The following SGK3 variants were observed in gnomAD, a reference collection of about 807,000 sequenced individuals.
SGK3 encodes the protein serum/glucocorticoid regulated kinase family member 3.
Under a neutral mutation model 68.5 loss-of-function variants are expected in SGK3, and 47 were observed. The observed-to-expected ratio is 0.69, with a 90% CI of 0.54 to 0.87. The LOEUF (loss-of-function observed/expected upper bound fraction) is 0.87. Among genes scored for constraint, SGK3 ranks in the 40% least tolerant of loss-of-function variants. The probability of loss-of-function intolerance (pLI) is 0.00; values close to 1 mark genes in which losing one functional copy is unlikely to be tolerated. For missense variants in SGK3, 479 were observed against 575.5 expected (o/e 0.83, Z 1.72); for synonymous variants, 181 against 189.1 (o/e 0.96, Z 0.35).
chr8:66,781,403 C>G (rs747948877), intron 1 of SGK3, among the ~76,000 whole-genome samples: 1 of 152,164 alleles, frequency 6.6e-6, no homozygotes, highest in South Asian at 2.1e-4. Flanking sequence ...GATGGGAGTA[C>G]ATTGGTGCAA....
At chr8:66,758,800 A>G (rs1319456760) in intron 1 of SGK3, among the ~76,000 whole-genome samples, 1 of 151,274 alleles carries the variant, frequency 6.6e-6, no homozygotes, top group African/African-American at 2.4e-5. Context: ...ACCAGCATGC[A>G]CCACCACTAA....
At chr8:66,842,764 A>G (rs1466730377) in intron 13 of SGK3, among the ~76,000 whole-genome samples, 1 of 152,216 alleles carries the variant, frequency 6.6e-6, no homozygotes, top group Admixed American at 6.5e-5. Flanking sequence ...AAAAAGGATT[A>G]TAATTGCTAC....
At chr8:66,757,898 G>A (rs1806028623) in intron 1 of SGK3, among the ~76,000 whole-genome samples, 1 of 147,860 alleles carries the variant, frequency 6.8e-6, no homozygotes, top group Admixed American at 6.8e-5. Flanking sequence ...CTGGGAAACA[G>A]AGTAAGACTC....
intron 15 of SGK3, 65 bp from the exon 16 acceptor site, chr8:66,850,766 A>G: frequency 6.8e-7 from 1 of 1,476,240 alleles, no homozygotes; most frequent in Non-Finnish European, 9.2e-7. Flanking sequence ...GCTTCATAAA[A>G]TTATGCAGTT....
intron 1 of SGK3, among the ~76,000 whole-genome samples, chr8:66,785,383 G>A (rs1807157279): frequency 6.6e-6 from 1 of 152,200 alleles, no homozygotes; most frequent in African/African-American, 2.4e-5. Flanking sequence ...GTTGCTATGA[G>A]GACTCATTGA....
chr8:66,859,288 G>A (rs572876629), intron 16 of SGK3, 123 bp from the exon 17 acceptor site: 65 of 1,199,102 alleles, frequency 5.4e-5, no homozygotes, highest in African/African-American at 1.4e-4. Context: ...AGCCAAGATC[G>A]CGCCACTGGC....
intron 13 of SGK3, among the ~76,000 whole-genome samples, chr8:66,842,692 A>G (rs1196853906): frequency 6.6e-6 from 1 of 152,236 alleles, no homozygotes; most frequent in Non-Finnish European, 1.5e-5. Flanking sequence ...ATAATATGTT[A>G]GAGAATTGCT....
chr8:66,772,752 A>G (rs1806554878), intron 1 of SGK3, among the ~76,000 whole-genome samples: 1 of 151,926 alleles, frequency 6.6e-6, no homozygotes, highest in Non-Finnish European at 1.5e-5. Context: ...TAGTAGAGAC[A>G]GGGTTCCACC....
chr8:66,831,413 C>A, intron 8 of SGK3, 102 bp downstream of exon 8: 1 of 1,395,060 alleles, frequency 7.2e-7, no homozygotes, highest in South Asian at 1.2e-5. Context: ...GTGGTGCAGT[C>A]ATAGCACACT....
chr8:66,758,036 A>ACACACACACACC (rs1448552273), intron 1 of SGK3, among the ~76,000 whole-genome samples: 5 of 146,952 alleles, frequency 3.4e-5, no homozygotes, highest in African/African-American at 1.3e-4. Context: ...ACACACACAC[A>ACACACACACACC]CCCTTTACAT....
chr8:66,789,417 C>G (rs149674445), intron 1 of SGK3, among the ~76,000 whole-genome samples: 54 of 152,286 alleles, frequency 3.5e-4, no homozygotes, highest in Non-Finnish European at 5.6e-4. Context: ...GGCCTTTTCT[C>G]CCATTATAGC....
chr8:66,834,932 T>C (rs1336075903), intron 8 of SGK3, among the ~76,000 whole-genome samples: 2 of 139,228 alleles, frequency 1.4e-5, no homozygotes, highest in Non-Finnish European at 3.1e-5. Context: ...AGAGCAAGAC[T>C]CTGTCTCAAA....
intron 1 of SGK3, among the ~76,000 whole-genome samples, chr8:66,761,268 A>G (rs1380947231): frequency 6.6e-6 from 1 of 152,202 alleles, no homozygotes. Flanking sequence ...GCATGCCACC[A>G]TGCCCAGCTA....
intron 5 of SGK3, among the ~76,000 whole-genome samples, chr8:66,816,916 C>T (rs974799804): frequency 6.6e-6 from 1 of 152,028 alleles, no homozygotes; most frequent in Admixed American, 6.6e-5. Flanking sequence ...CTGCAACCTC[C>T]GCTCCCTGGG....
At chr8:66,750,410 C>T (rs896435692) in intron 1 of SGK3, among the ~76,000 whole-genome samples, 2 of 152,006 alleles carry the variant, frequency 1.3e-5, no homozygotes, top group Non-Finnish European at 2.9e-5. Flanking sequence ...TGTCTAGGTG[C>T]TAGAGATACT....
intron 13 of SGK3, among the ~76,000 whole-genome samples, chr8:66,841,414 T>C (rs1398707187): frequency 1.3e-5 from 2 of 152,212 alleles, no homozygotes; most frequent in Non-Finnish European, 1.5e-5. Flanking sequence ...TTTGTTTTTG[T>C]TTTCTTCTAA....
rs2130611309 is a variant in SGK3, at chr8:66,803,988, G to C, written c.181-387G>C. ...ACACCAAGATCATATCTTCTCCTAA[G>C]ATAATAAATGAGTAATATGTATTTG... On this transcript the variant is annotated intron_variant, in intron 3 of 16. Transcript: ENST00000521198. Among the ~76,000 whole-genome samples the C allele has an allele frequency of 1.3e-5, 2 of 152,258 alleles. 1 individual carries two copies. Among genetic ancestry groups the C allele is most frequent in the South Asian group, 4.1e-4 (2 of 4,828 alleles).
At chr8:66,770,957 ATT>A (rs1806491345) in intron 1 of SGK3, among the ~76,000 whole-genome samples, 1 of 152,092 alleles carries the variant, frequency 6.6e-6, no homozygotes, top group Non-Finnish European at 1.5e-5. Flanking sequence ...CTGCGGGTAA[ATT>A]TTGTGTGCTT....
chr8:66,796,151 T>TTATTTATTC (rs1410520289), intron 2 of SGK3, among the ~76,000 whole-genome samples: 3 of 151,608 alleles, frequency 2.0e-5, no homozygotes, highest in Non-Finnish European at 4.4e-5. Context: ...TTTATTTATT[T>TTATTTATTC]TTTTGAGACA....
Sources: gnomAD v4.1 joint callset for allele counts (sites outside exome capture counted in the v4.1 genomes callset) on GRCh38, gnomAD v4.1.1 for gene constraint, MANE v1.5 for transcripts, NCBI Gene and HGNC (gene_info 2026-07-23, HGNC 2026-07-21) for gene names.